SKIC3: variants seen among roughly 807,000 people sequenced by gnomAD.
SKIC3 encodes the protein SKI3 subunit of superkiller complex.
At chr5:95,542,245 TA>T in the SKIC3 span, among the ~76,000 whole-genome samples, 18 of 152,298 alleles carry the variant, frequency 1.2e-4, no homozygotes, top group Admixed American at 3.3e-4. Context: ...TATATGACAT[TA>T]TTTTTTTCAA....
At chr5:95,526,477 T>G in the SKIC3 span, among the ~76,000 whole-genome samples, 8 of 151,636 alleles carry the variant, frequency 5.3e-5, no homozygotes, top group South Asian at 2.1e-4. Flanking sequence ...GTCTTTTTTT[T>G]TTTGTTTTTT....
At chr5:95,521,296 GGAAA>G in the SKIC3 span, 5 of 154,586 alleles carry the variant, frequency 3.2e-5, no homozygotes, top group African/African-American at 9.7e-5. Flanking sequence ...CTTCTCTTGA[GGAAA>G]GAGTTTTACA....
chr5:95,503,873 T>C, the SKIC3 span: 10 of 1,613,882 alleles, frequency 6.2e-6, no homozygotes, highest in African/African-American at 1.3e-5. Context: ...ACCTATGATG[T>C]CTTCTAACAC....
At chr5:95,511,261 T>C in the SKIC3 span, among the ~76,000 whole-genome samples, 1 of 152,224 alleles carries the variant, frequency 6.6e-6, no homozygotes, top group South Asian at 2.1e-4. Flanking sequence ...ATACAAAAAA[T>C]TAGCCGGGCG....
At chr5:95,509,597 TG>T in the SKIC3 span, 1 of 1,607,250 alleles carries the variant, frequency 6.2e-7, no homozygotes, top group Non-Finnish European at 8.5e-7. Context: ...AGTTTACCTT[TG>T]GTATGCATTT....
the SKIC3 span, among the ~76,000 whole-genome samples, chr5:95,515,500 C>G: frequency 8.0e-3 from 1,219 of 152,142 alleles, 17 homozygotes; most frequent in African/African-American, 0.027. Context: ...TCTCAACAAT[C>G]TATGTATGGC....
chr5:95,545,952 C>A, the SKIC3 span, among the ~76,000 whole-genome samples: 2 of 152,138 alleles, frequency 1.3e-5, no homozygotes, highest in African/African-American at 2.4e-5. Context: ...CTCTAACCGT[C>A]CCAGTTCAAT....
At chr5:95,492,796 A>AG in the SKIC3 span, among the ~76,000 whole-genome samples, 1 of 151,628 alleles carries the variant, frequency 6.6e-6, no homozygotes, top group Non-Finnish European at 1.5e-5. Context: ...CCTAAGATTA[A>AG]GGGGATAGCT....
the SKIC3 span, chr5:95,467,932 A>G: frequency 6.2e-7 from 1 of 1,613,722 alleles, no homozygotes; most frequent in Non-Finnish European, 8.5e-7. Context: ...CAGTTGATGC[A>G]ATAGATTTGG....
At chr5:95,517,462 C>T in the SKIC3 span, 1 of 956,390 alleles carries the variant, frequency 1.0e-6, no homozygotes, top group Non-Finnish European at 1.6e-6. Flanking sequence ...ATCATATCAC[C>T]TCCCTAATAG....
At chr5:95,491,294 G>C in the SKIC3 span, among the ~76,000 whole-genome samples, 1 of 152,272 alleles carries the variant, frequency 6.6e-6, no homozygotes, top group Non-Finnish European at 1.5e-5. Context: ...TGGCTGGTTA[G>C]CTCAGCTGCC....
At chr5:95,554,801 C>T in the SKIC3 span, 1 of 159,216 alleles carries the variant, frequency 6.3e-6, no homozygotes, top group African/African-American at 2.4e-5. Context: ...GCCCAGTTCA[C>T]GCTCTCGCCG....
chr5:95,497,262 C>T, the SKIC3 span, among the ~76,000 whole-genome samples: 2 of 152,136 alleles, frequency 1.3e-5, no homozygotes, highest in Admixed American at 6.5e-5. Context: ...GTCTAGTATT[C>T]GTTGAATGAC....
the SKIC3 span, chr5:95,541,385 G>A: frequency 5.0e-6 from 8 of 1,612,930 alleles, no homozygotes; most frequent in South Asian, 4.4e-5. Context: ...TCAACACTTA[G>A]AACAAAACAA....
At chr5:95,484,589 C>T in the SKIC3 span, 20 of 1,236,824 alleles carry the variant, frequency 1.6e-5, no homozygotes, top group Non-Finnish European at 2.3e-5. Context: ...TCAAGTGATC[C>T]TCCCATCTCA....
the SKIC3 span, among the ~76,000 whole-genome samples, chr5:95,539,877 C>T: frequency 3.4e-4 from 50 of 149,122 alleles, no homozygotes; most frequent in African/African-American, 9.8e-4. Flanking sequence ...AGTAGAACTA[C>T]GATTTGATCC....
At chr5:95,533,367 G>C in the SKIC3 span, among the ~76,000 whole-genome samples, 3 of 152,128 alleles carry the variant, frequency 2.0e-5, no homozygotes, top group Non-Finnish European at 4.4e-5. Flanking sequence ...TACTTTGTGG[G>C]AGGGCGGCTC....
the SKIC3 span, among the ~76,000 whole-genome samples, chr5:95,501,738 T>C: frequency 1.3e-5 from 2 of 152,168 alleles, no homozygotes; most frequent in Non-Finnish European, 2.9e-5. Flanking sequence ...TTTCATTTCC[T>C]GTCTTAAGCA....
the SKIC3 span, chr5:95,523,801 A>G: frequency 6.2e-7 from 1 of 1,613,530 alleles, no homozygotes; most frequent in Non-Finnish European, 8.5e-7. Flanking sequence ...AAATAGCAGA[A>G]AACTTTGCCC....
Sources: allele counts gnomAD v4.1 joint callset (sites outside exome capture counted in the v4.1 genomes callset), GRCh38; gene constraint gnomAD v4.1.1; transcripts MANE v1.5; gene names NCBI Gene and HGNC (gene_info 2026-07-23, HGNC 2026-07-21).